The following TECTA variants were observed in gnomAD, a reference collection of about 807,000 sequenced individuals.
The protein encoded by TECTA is tectorin alpha, also known as alpha-tectorin.
In TECTA, 128 loss-of-function variants were observed where a neutral mutation model predicts 216.8. The observed-to-expected ratio is 0.59, with a 90% CI of 0.51 to 0.68. The LOEUF is 0.68. TECTA is among the 30% of genes least tolerant of loss of function. The probability of loss-of-function intolerance (pLI) is 0.00; values close to 1 mark genes in which losing one functional copy is unlikely to be tolerated. For missense variants in TECTA, 2,551 were observed against 2,786.2 expected (o/e 0.92, Z 1.90); for synonymous variants, 1,089 against 1,117.1 (o/e 0.97, Z 0.50).
At chr11:121,161,412 A>G (rs1946996613) in intron 15 of TECTA, among the ~76,000 whole-genome samples, 1 of 151,974 alleles carries the variant, frequency 6.6e-6, no homozygotes, top group Non-Finnish European at 1.5e-5. Context: ...AGAACTTTGG[A>G]CATTACATTT....
intron 20 of TECTA, 56 bp downstream of exon 20, chr11:121,168,981 C>T (rs1184328541): frequency 6.2e-7 from 1 of 1,612,540 alleles, no homozygotes; most frequent in East Asian, 2.2e-5. Flanking sequence ...ATATTGTCCT[C>T]ATCATTTTTT....
chr11:121,167,921 T>C, intron 18 of TECTA, 133 bp from the exon 19 acceptor site: 1 of 1,016,438 alleles, frequency 9.8e-7, no homozygotes, highest in Admixed American at 1.9e-5. Context: ...GCTAGCTCCA[T>C]GCTGATTTAT....
chr11:121,122,978 A>G (rs1946573920), intron 7 of TECTA, among the ~76,000 whole-genome samples: 1 of 152,262 alleles, frequency 6.6e-6, no homozygotes, highest in Non-Finnish European at 1.5e-5. Flanking sequence ...GTGAGGACCA[A>G]CTACTAATCT....
Position 121,118,294 on chromosome 11 carries a change from A to G in TECTA, c.791-12A>G, listed in dbSNP as rs1316308501. The G allele has an allele frequency of 5.0e-6, 8 of 1,614,090 alleles. No homozygotes were observed. The highest frequency in any genetic ancestry group is 6.8e-6 in the Non-Finnish European group (8 of 1,180,024). On this transcript the variant is annotated splice_polypyrimidine_tract_variant and intron_variant, in intron 6 of 23. Coordinates refer to ENST00000392793, the MANE Select transcript of TECTA (RefSeq NM_005422.4). ...CTCAGTAAATGTTGGCTCTAATGTC[A>G]TTATTCCCCAGGACAATTCCTTCGG...
At chr11:121,107,870 T>G (rs1946405156) in intron 3 of TECTA, among the ~76,000 whole-genome samples, 1 of 152,206 alleles carries the variant, frequency 6.6e-6, no homozygotes. Context: ...ATAAACAGTG[T>G]AAAGTAGTCA....
intron 17 of TECTA, among the ~76,000 whole-genome samples, 188 bp downstream of exon 17, chr11:121,165,571 A>G (rs1947044809): frequency 6.6e-6 from 1 of 152,232 alleles, no homozygotes; most frequent in African/African-American, 2.4e-5. Flanking sequence ...TCAATACATT[A>G]TAACACACAA....
intron 11 of TECTA, among the ~76,000 whole-genome samples, chr11:121,141,511 G>A (rs1333325168): frequency 1.3e-5 from 2 of 152,196 alleles, no homozygotes; most frequent in Non-Finnish European, 2.9e-5. Flanking sequence ...GGGTAGGGGG[G>A]TGAGCTGCAG....
chr11:121,173,784 A>T (rs923484364), intron 20 of TECTA, among the ~76,000 whole-genome samples: 1 of 152,078 alleles, frequency 6.6e-6, no homozygotes, highest in Non-Finnish European at 1.5e-5. Context: ...CTTGGGCAGC[A>T]TGGCCATTTT....
chr11:121,148,289 A>G (rs568808617), intron 12 of TECTA, among the ~76,000 whole-genome samples: 2 of 152,314 alleles, frequency 1.3e-5, no homozygotes, highest in Admixed American at 6.5e-5. Context: ...TCCCATCACA[A>G]AGAGACTTAG....
intron 13 of TECTA, among the ~76,000 whole-genome samples, chr11:121,156,518 A>G (rs189810718): frequency 5.9e-5 from 9 of 151,852 alleles, no homozygotes; most frequent in Admixed American, 5.3e-4. Flanking sequence ...GAGTTTTTGT[A>G]TTTTTAGTAG....
chr11:121,141,555 C>G (rs1039516994), intron 11 of TECTA, among the ~76,000 whole-genome samples: 31 of 152,186 alleles, frequency 2.0e-4, no homozygotes, highest in African/African-American at 7.0e-4. Context: ...CCGCCATAGC[C>G]CATCTCAGCC....
At chr11:121,161,877 AAAC>A (rs1202954941) in intron 15 of TECTA, among the ~76,000 whole-genome samples, 195 bp from the exon 16 acceptor site, 1 of 152,062 alleles carries the variant, frequency 6.6e-6, no homozygotes, top group Non-Finnish European at 1.5e-5. Context: ...TCAGTGATAT[AAAC>A]AACAGGAATT....
intron 7 of TECTA, among the ~76,000 whole-genome samples, chr11:121,119,996 C>G (rs1240257198): frequency 6.6e-6 from 1 of 152,172 alleles, no homozygotes; most frequent in South Asian, 2.1e-4. Context: ...TATACTTATC[C>G]TTGTAGATAG....
At chr11:121,173,040 G>GT (rs1328348738) in intron 20 of TECTA, among the ~76,000 whole-genome samples, 1 of 151,328 alleles carries the variant, frequency 6.6e-6, no homozygotes, top group Non-Finnish European at 1.5e-5. Context: ...GGGGTTGTTT[G>GT]TTTTTTTCTT....
intron 20 of TECTA, among the ~76,000 whole-genome samples, chr11:121,187,554 G>T (rs1947299808): frequency 6.6e-6 from 1 of 152,230 alleles, no homozygotes; most frequent in South Asian, 2.1e-4. Context: ...ACTGAAGCGT[G>T]GGGAAATTGA....
intron 12 of TECTA, among the ~76,000 whole-genome samples, chr11:121,148,235 G>A (rs753306563): frequency 3.3e-5 from 5 of 152,064 alleles, no homozygotes; most frequent in African/African-American, 7.2e-5. Flanking sequence ...CCACCAGCAC[G>A]TTCCAGGCCA....
At position 121,105,531 on chromosome 11, in the gene TECTA, A is replaced by G. The variant is rs1355832289; in HGVS notation, c.65-300A>G. ...CAGAAAGCTCAAGGTTTCCAGGGAA[A>G]TTTCACAAATTTCCAGCCAGCTGTA... On this transcript the variant is annotated intron_variant, in intron 2 of 23. Transcript: ENST00000392793. The surrounding 1 kb of genome is among the most constrained non-coding windows in gnomAD (Gnocchi z 5.3). 6.6e-6 allele frequency among the ~76,000 whole-genome samples: 1 copy of G among 152,246 alleles called. No homozygotes were observed. The highest frequency in any genetic ancestry group is 1.5e-5 in the Non-Finnish European group (1 of 68,048).
At chr11:121,186,681 A>G (rs987081346) in intron 20 of TECTA, among the ~76,000 whole-genome samples, 7 of 152,248 alleles carry the variant, frequency 4.6e-5, no homozygotes, top group African/African-American at 1.4e-4. Context: ...AGCAACTTGC[A>G]TTTTGCCTAG....
At chr11:121,158,339 T>C (rs1946965638) in intron 14 of TECTA, 115 bp downstream of exon 14, 4 of 1,392,054 alleles carry the variant, frequency 2.9e-6, no homozygotes, top group Non-Finnish European at 4.0e-6. Flanking sequence ...TGCTTCATGG[T>C]GTTCCACACA....
Sources: gnomAD v4.1 joint callset for allele counts (sites outside exome capture counted in the v4.1 genomes callset) on GRCh38, gnomAD v4.1.1 for gene constraint, Gnocchi (gnomAD v3.1) non-coding constraint, MANE v1.5 for transcripts, NCBI Gene and HGNC (gene_info 2026-07-23, HGNC 2026-07-21) for gene names.